Variants in LYPD6 observed in about 807,000 individuals in gnomAD.
LYPD6 encodes LY6/PLAUR domain containing 6.
A neutral mutation model predicts 22.7 loss-of-function variants in LYPD6; 15 were observed. The observed-to-expected ratio is 0.66, with a 90% confidence interval of 0.44 to 1.02. The LOEUF (loss-of-function observed/expected upper bound fraction) is 1.02. Among genes scored for constraint, LYPD6 ranks in the 50% least tolerant of loss-of-function variants. The pLI, the probability that LYPD6 is intolerant of heterozygous loss-of-function variation, is 0.00. For missense variants in LYPD6, 189 were observed against 208.4 expected (o/e 0.91, Z 0.57); for synonymous variants, 72 against 77.5 (o/e 0.93, Z 0.37).
At position 149,361,644 on chromosome 2, in the gene LYPD6, G is replaced by C. The variant is rs144825892; in HGVS notation, c.-72+30922G>C. Reference sequence around the variant, plus strand: ...GTGCATGAGAATTAATTTTCTTTTTGAATATGTCTGTTTTATTCAATAGTT... The same window carrying C: ...GTGCATGAGAATTAATTTTCTTTTTCAATATGTCTGTTTTATTCAATAGTT... On this transcript the variant is annotated intron_variant, in intron 1 of 4. Coordinates refer to ENST00000334166, the MANE Select transcript of LYPD6 (RefSeq NM_194317.5). Among the ~76,000 whole-genome samples, 809 of 152,168 alleles carry C rather than the reference G, an allele frequency of 5.3e-3. 7 individuals are homozygous for C. The highest frequency in any genetic ancestry group is 0.019 in the African/African-American group (783 of 41,510).
chr2:149,415,897 G>A (rs758664374), intron 1 of LYPD6, among the ~76,000 whole-genome samples: 6 of 152,006 alleles, frequency 3.9e-5, no homozygotes, highest in Non-Finnish European at 7.4e-5. Context: ...GCCCAGGCTG[G>A]TCTTGAACTC....
At chr2:149,454,138 C>T (rs1347219446) in intron 3 of LYPD6, among the ~76,000 whole-genome samples, 1 of 152,178 alleles carries the variant, frequency 6.6e-6, no homozygotes, top group East Asian at 1.9e-4. Flanking sequence ...AAGTGAAAGT[C>T]TTAGACATCC....
intron 1 of LYPD6, among the ~76,000 whole-genome samples, chr2:149,354,653 A>C (rs1681419407): frequency 6.6e-6 from 1 of 152,166 alleles, no homozygotes; most frequent in Admixed American, 6.5e-5. Flanking sequence ...GTTGTTGGAA[A>C]ACCATGAGAC....
intron 1 of LYPD6, among the ~76,000 whole-genome samples, chr2:149,437,432 G>C (rs1683458285): frequency 6.6e-6 from 1 of 152,110 alleles, no homozygotes; most frequent in Non-Finnish European, 1.5e-5. Flanking sequence ...GCTACCAGTG[G>C]AGCCTTAGCA....
intron 1 of LYPD6, among the ~76,000 whole-genome samples, chr2:149,431,783 A>G (rs1683319122): frequency 1.3e-5 from 2 of 152,224 alleles, no homozygotes; most frequent in South Asian, 4.1e-4. Flanking sequence ...ATCAAAATTA[A>G]AAACTTTTGT....
the LYPD6 span, among the ~76,000 whole-genome samples, chr2:149,484,241 G>T: frequency 6.6e-6 from 1 of 152,162 alleles, no homozygotes; most frequent in Non-Finnish European, 1.5e-5. Flanking sequence ...AATAGCAAGG[G>T]ACCCAATGTG....
chr2:149,340,586 A>T (rs932971105), intron 1 of LYPD6, among the ~76,000 whole-genome samples: 4 of 152,132 alleles, frequency 2.6e-5, no homozygotes, highest in African/African-American at 9.7e-5. Context: ...TTTACCGGCT[A>T]CACCATTAAC....
intron 1 of LYPD6, among the ~76,000 whole-genome samples, chr2:149,370,868 G>A (rs879274470): frequency 9.9e-5 from 15 of 152,144 alleles, no homozygotes; most frequent in Non-Finnish European, 1.2e-4. Flanking sequence ...GGTGAAGCAG[G>A]ATAATTGCTT....
chr2:149,478,215 C>T (rs1388489177), downstream of LYPD6, among the ~76,000 whole-genome samples: 1 of 152,084 alleles, frequency 6.6e-6, no homozygotes. Context: ...TCTTCATACT[C>T]ATCTCAAGAA....
At chr2:149,366,753 A>G (rs1212160834) in intron 1 of LYPD6, among the ~76,000 whole-genome samples, 2 of 152,236 alleles carry the variant, frequency 1.3e-5, no homozygotes, top group African/African-American at 4.8e-5. Context: ...GAATAAAAGT[A>G]AATGAACCAT....
At chr2:149,477,572 G>A (rs938057054), downstream of LYPD6, among the ~76,000 whole-genome samples, 25 of 140,418 alleles carry the variant, frequency 1.8e-4, no homozygotes, top group African/African-American at 6.1e-4. Flanking sequence ...GCAGTGAGCC[G>A]AGATTGTGCC....
intron 1 of LYPD6, among the ~76,000 whole-genome samples, chr2:149,407,988 T>A (rs1245725913): frequency 6.6e-6 from 1 of 152,222 alleles, no homozygotes; most frequent in African/African-American, 2.4e-5. Flanking sequence ...TGGAGTTTGC[T>A]AGAGGTCCAC....
intron 1 of LYPD6, among the ~76,000 whole-genome samples, chr2:149,376,366 C>T (rs1407847350): frequency 6.6e-6 from 1 of 152,164 alleles, no homozygotes; most frequent in Non-Finnish European, 1.5e-5. Context: ...AGAAGTCCCT[C>T]ACCCACGCCA....
chr2:149,407,876 G>A (rs1026997850), intron 1 of LYPD6, among the ~76,000 whole-genome samples: 1 of 152,060 alleles, frequency 6.6e-6, no homozygotes, highest in African/African-American at 2.4e-5. Flanking sequence ...ATCTACTTTT[G>A]GTCTTTGATG....
intron 1 of LYPD6, among the ~76,000 whole-genome samples, chr2:149,420,447 G>A (rs547039609): frequency 7.2e-5 from 11 of 152,220 alleles, no homozygotes; most frequent in East Asian, 5.8e-4. Flanking sequence ...GTGTATGTTC[G>A]TCCCTGGAGA....
Position 149,437,750 on chromosome 2 carries a change from C to CCTGCTGGAGCAGTACTT in LYPD6, c.49_50insAGCAGTACTTCTGCTGG (p.Ala17GlufsTer10). 6.2e-7 allele frequency: 1 copy of CCTGCTGGAGCAGTACTT among 1,614,180 alleles called. No individual in the cohort carries two copies. Among genetic ancestry groups the CCTGCTGGAGCAGTACTT allele is most frequent in the African/African-American group, 1.3e-5 (1 of 75,052 alleles). On this transcript the variant is annotated frameshift_variant, in exon 2 of 5. Coordinates refer to ENST00000334166, the MANE Select transcript of LYPD6 (RefSeq NM_194317.5). LOFTEE classifies it high-confidence loss of function. ...CTCTGGCCTGGCTCCTGCTCCTGAG[C>CCTGCTGGAGCAGTACTT]CTGCTGGCGGATTGTCTGAAAGCTG...
At chr2:149,451,392 C>T (rs891524730) in intron 3 of LYPD6, among the ~76,000 whole-genome samples, 4 of 152,164 alleles carry the variant, frequency 2.6e-5, no homozygotes, top group Non-Finnish European at 5.9e-5. Flanking sequence ...TGCATATGAA[C>T]TCTGGGGGAC....
At chr2:149,359,759 T>C (rs931173878) in intron 1 of LYPD6, among the ~76,000 whole-genome samples, 3 of 152,220 alleles carry the variant, frequency 2.0e-5, no homozygotes, top group Non-Finnish European at 4.4e-5. Flanking sequence ...TAGCCCTTCA[T>C]GAACTTCTTC....
intron 4 of LYPD6, 23 bp downstream of exon 4, chr2:149,468,798 C>A (rs764813634): frequency 1.2e-6 from 2 of 1,611,938 alleles, no homozygotes; most frequent in South Asian, 2.2e-5. Flanking sequence ...GAGCAAGTGA[C>A]CAGTACTACA....
Sources: allele counts gnomAD v4.1 joint callset (sites outside exome capture counted in the v4.1 genomes callset), GRCh38; gene constraint gnomAD v4.1.1; transcripts MANE v1.5; gene names NCBI Gene and HGNC (gene_info 2026-07-23, HGNC 2026-07-21).